Variants in ADGRE5 observed in about 807,000 individuals in gnomAD.
The protein encoded by ADGRE5 is adhesion G protein-coupled receptor E5.
ADGRE5 carries 72 observed loss-of-function variants against 100.3 expected under a neutral mutation model. The observed-to-expected ratio is 0.72, with a 90% CI of 0.59 to 0.87. ADGRE5 has a LOEUF of 0.87. ADGRE5 is among the 40% of genes least tolerant of loss of function. The pLI is 0.00. For missense variants in ADGRE5, 959 were observed against 1,094.7 expected (o/e 0.88, Z 1.75); for synonymous variants, 439 against 447.8 (o/e 0.98, Z 0.25).
Position 14,404,366 on chromosome 19 carries a change from C to T in ADGRE5, c.1450-17C>T, listed in dbSNP as rs745748717. Reference sequence around the variant, plus strand: ...AGCTCCAGGCCAACCTTTCTGACCACCCCCATCTGCCCACAGGACGTGATG... The same window carrying T: ...AGCTCCAGGCCAACCTTTCTGACCATCCCCATCTGCCCACAGGACGTGATG... On this transcript the variant is annotated splice_polypyrimidine_tract_variant and intron_variant, in intron 12 of 19. Coordinates refer to ENST00000242786, the MANE Select transcript of ADGRE5 (RefSeq NM_078481.4). 4 of 1,600,244 alleles carry T rather than the reference C, an allele frequency of 2.5e-6. No homozygotes were observed. The African/African-American group carries it at 4.0e-5, about 16-fold the overall frequency.
intron 3 of ADGRE5, among the ~76,000 whole-genome samples, chr19:14,389,925 G>A (rs1037695587): frequency 6.6e-6 from 1 of 151,142 alleles, no homozygotes; most frequent in Non-Finnish European, 1.5e-5. Context: ...AAAATTAACC[G>A]GGTGTGGTGG....
At chr19:14,386,756 G>A (rs1024015822) in intron 1 of ADGRE5, among the ~76,000 whole-genome samples, 8 of 149,496 alleles carry the variant, frequency 5.4e-5, no homozygotes, top group African/African-American at 2.0e-4. Flanking sequence ...GCTCACGCCT[G>A]TAATCCCAGC....
At position 14,388,682 on chromosome 19, in the gene ADGRE5, C is replaced by A. The variant is rs779594650; in HGVS notation, c.74-20C>A. On this transcript the variant is annotated intron_variant, in intron 2 of 19. Transcript: ENST00000242786. ...ATTCCCTTACCCCTCACCTTCTGAC[C>A]GTGCTCCCTGCTCTTGCAGGCTGTG... The A allele has an allele frequency of 6.2e-7, 1 of 1,612,188 alleles. No individual in the cohort carries two copies. The highest frequency in any genetic ancestry group is 8.5e-7 in the Non-Finnish European group (1 of 1,178,640).
Position 14,396,336 on chromosome 19 carries a change from T to G in ADGRE5, c.347-6T>G. On this transcript the variant is annotated splice_region_variant and splice_polypyrimidine_tract_variant and intron_variant, in intron 4 of 19. Coordinates refer to ENST00000242786, the MANE Select transcript of ADGRE5 (RefSeq NM_078481.4). ...GGCATCCTTCACCCTCTCCTTCCTCTTGCAGATGTGGACGAATGTCAGCAG... is the reference window on the plus strand; with the variant it reads ...GGCATCCTTCACCCTCTCCTTCCTCGTGCAGATGTGGACGAATGTCAGCAG... 6.2e-7 allele frequency: 1 copy of G among 1,614,264 alleles called. No individual in the cohort carries two copies. Among genetic ancestry groups the G allele is most frequent in the South Asian group, 1.1e-5 (1 of 91,088 alleles).
At position 14,402,735 on chromosome 19, in the gene ADGRE5, G is replaced by T. The variant is rs752042321; in HGVS notation, c.1322G>T (p.Arg441Leu). Residue 441 changes from arginine to leucine, a missense_variant, in exon 12 of 20, where the codon CGC (arginine) becomes CTC (leucine). Physicochemically the swap from Arg to Leu is moderately radical, Grantham distance 102. Coordinates refer to ENST00000242786, the MANE Select transcript of ADGRE5 (RefSeq NM_078481.4). The stretch of plus-strand genomic sequence containing the variant: ...AGCATCCGTGGTGTCCAACTCAGAC[G>T]CCTCTCTGCCGTCAACTCCATCTTT... ...ESSIRGVQLR[R>L]LSAVNSIFLS... 2 of 1,614,118 alleles carry T rather than the reference G, an allele frequency of 1.2e-6. No homozygotes were observed. The highest frequency in any genetic ancestry group is 2.2e-5 in the South Asian group (2 of 91,076).
intron 3 of ADGRE5, among the ~76,000 whole-genome samples, chr19:14,389,070 A>G (rs1253653293): frequency 6.9e-6 from 1 of 145,868 alleles, no homozygotes; most frequent in African/African-American, 2.6e-5. Flanking sequence ...TTTGAGCCCA[A>G]GAGTTTGAGG....
intron 1 of ADGRE5, among the ~76,000 whole-genome samples, chr19:14,384,415 C>T (rs1464547395): frequency 6.6e-6 from 1 of 152,184 alleles, no homozygotes; most frequent in African/African-American, 2.4e-5. Context: ...TGAATTGGGG[C>T]AAATGAGTGG....
At chr19:14,381,640 G>A in intron 1 of ADGRE5, 95 bp downstream of exon 1, 2 of 1,425,488 alleles carry the variant, frequency 1.4e-6, no homozygotes, top group Non-Finnish European at 9.5e-7. Context: ...TGGTGTCTGT[G>A]GGGCCTGCGA....
intron 13 of ADGRE5, 106 bp downstream of exon 13, chr19:14,404,668 C>G (rs1239891416): frequency 1.8e-6 from 2 of 1,137,576 alleles, no homozygotes; most frequent in Non-Finnish European, 2.5e-6. Flanking sequence ...TCAGATATAT[C>G]TGCATGGTTG....
chr19:14,385,793 C>T (rs1223462528), intron 1 of ADGRE5, among the ~76,000 whole-genome samples: 3 of 147,478 alleles, frequency 2.0e-5, no homozygotes, highest in Non-Finnish European at 3.0e-5. Flanking sequence ...TTTTCTGAGA[C>T]GGAGTCTTGC....
chr19:14,384,567 G>A (rs894042650), intron 1 of ADGRE5, among the ~76,000 whole-genome samples: 7 of 151,886 alleles, frequency 4.6e-5, no homozygotes, highest in Admixed American at 1.3e-4. Context: ...GGGACTGGAC[G>A]TCCCCTCCCA....
rs759003419 is a variant in ADGRE5 at position 14,408,267 on chromosome 19, A to G, written c.*146A>G. 1,528 of 912,048 alleles carry G rather than the reference A, an allele frequency of 1.7e-3. 2 individuals carry two copies. Among genetic ancestry groups the G allele is most frequent in the Non-Finnish European group, 2.4e-3 (1,371 of 579,456 alleles). The allele number at this position is 912,048 out of a possible 1,614,324, so 56.5% of individuals were successfully genotyped here. On this transcript the variant is annotated 3_prime_UTR_variant, in exon 20 of 20. Coordinates refer to ENST00000242786, the MANE Select transcript of ADGRE5 (RefSeq NM_078481.4). ...GTGCCACCAGGAGGGAGTGGCAGCT[A>G]TAGTCTGGCACCAAAGTCCAGGACA...
chr19:14,393,621 A>G (rs1329437704), intron 4 of ADGRE5, among the ~76,000 whole-genome samples: 1 of 152,142 alleles, frequency 6.6e-6, no homozygotes, highest in African/African-American at 2.4e-5. Flanking sequence ...AAGACTACAG[A>G]GAGAAGAAAG....
intron 4 of ADGRE5, among the ~76,000 whole-genome samples, chr19:14,396,064 G>A (rs561509983): frequency 3.9e-4 from 59 of 152,336 alleles, no homozygotes; most frequent in African/African-American, 1.3e-3. Context: ...GCCTTTGCCC[G>A]GAATCCTTAG....
Position 14,401,415 on chromosome 19 carries a change from G to A in ADGRE5, c.927G>A (p.Met309Ile). Reference protein sequence around the residue: ...QNVIKLVDELMEAPGDVEALA... With the variant: ...QNVIKLVDELIEAPGDVEALA... ...TCATCAAATTGGTGGATGAACTGAT[G>A]GAAGCTCCTGGAGACGTAGAGGCCC... Residue 309 changes from methionine (M) to isoleucine (I), a missense_variant, in exon 10 of 20, where the codon ATG becomes ATA. Met to Ile is a conservative substitution (Grantham distance 10). This residue lies in a region of ADGRE5 where 69 missense variants were observed against 135.0 expected (regional missense o/e 0.51). Transcript: ENST00000242786. The surrounding 1 kb of genome is among the most constrained non-coding windows in gnomAD (Gnocchi z 4.1). 1.2e-6 allele frequency: 2 copies of A among 1,614,084 alleles called. No homozygotes were observed. The highest frequency in any genetic ancestry group is 1.7e-6 in the Non-Finnish European group (2 of 1,179,984).
rs954439700 is a variant in ADGRE5 at position 14,388,483 on chromosome 19, A to T, written c.56A>T (p.Glu19Val). ...GTCTGGCTGACTCTGCCGGGAGCTG[A>T]AACCCAGGACTCCAGGGGTGAGTCT... ...FCVWLTLPGA[E>V]TQDSRGCARW... The change falls in exon 2 of 20, where the codon GAA becomes GTA. Residue 19 changes from glutamate to valine, a missense_variant. Coordinates refer to ENST00000242786, the MANE Select transcript of ADGRE5 (RefSeq NM_078481.4). The T allele has an allele frequency of 2.5e-6, 4 of 1,601,010 alleles. No homozygotes were observed. In the African/African-American group the frequency reaches 5.4e-5, roughly 21 times the overall value.
Position 14,406,933 on chromosome 19 carries a change from C to T in ADGRE5, c.2180C>T (p.Pro727Leu), listed in dbSNP as rs748783189. Reference protein sequence around the residue: ...KLTQKFSEINPDMKKLKKARA... With the variant: ...KLTQKFSEINLDMKKLKKARA... ...ACTCAGAAGTTTTCTGAAATCAATC[C>T]AGACATGAAGAAATTAAAGAAGGCG... Residue 727 changes from proline to leucine, a missense_variant, in exon 17 of 20, where the codon CCA becomes CTA. Around this residue, in one of 6 missense-constraint regions of ADGRE5, gnomAD observed 428 missense variants for 386.2 expected, o/e 1.11. Coordinates refer to ENST00000242786, the MANE Select transcript of ADGRE5 (RefSeq NM_078481.4). The surrounding 1 kb of genome is among the most constrained non-coding windows in gnomAD (Gnocchi z 6.0). 7.4e-6 allele frequency: 12 copies of T among 1,614,028 alleles called. No homozygotes were observed. In the East Asian group the frequency reaches 2.7e-4, roughly 36 times the overall value.
At chr19:14,403,389 GTGGC>G (rs1218329594) in intron 12 of ADGRE5, among the ~76,000 whole-genome samples, 11 of 151,990 alleles carry the variant, frequency 7.2e-5, no homozygotes, top group African/African-American at 2.7e-4. Context: ...GTCTCACTCT[GTGGC>G]CCAGGCTGGA....
intron 13 of ADGRE5, 190 bp from the exon 14 acceptor site, chr19:14,405,558 C>T (rs1976191655): frequency 3.6e-6 from 2 of 558,368 alleles, no homozygotes; most frequent in African/African-American, 3.8e-5. Context: ...AGGCCAAAGG[C>T]CCAGCAAGCA....
Sources: gnomAD v4.1 joint callset for allele counts (sites outside exome capture counted in the v4.1 genomes callset) on GRCh38, gnomAD v4.1.1 for gene constraint, gnomAD v4.1.1 regional missense constraint, Gnocchi (gnomAD v3.1) non-coding constraint, MANE v1.5 for transcripts, NCBI Gene and HGNC (gene_info 2026-07-23, HGNC 2026-07-21) for gene names.